PTBP2: variants seen among roughly 807,000 people sequenced by gnomAD.
PTBP2 encodes polypyrimidine tract binding protein 2.
A neutral mutation model predicts 61.4 loss-of-function variants in PTBP2; 13 were observed. The ratio of observed to expected loss-of-function variants is 0.21; its 90% CI spans 0.14 to 0.34. The LOEUF is 0.34. Ranked by LOEUF, PTBP2 falls within the 10% of genes least tolerant of loss-of-function variation. The pLI, the probability that PTBP2 is intolerant of heterozygous loss-of-function variation, is 1.00. For synonymous variants in PTBP2, 215 were observed against 218.5 expected (o/e 0.98, Z 0.14); for missense variants, 405 against 642.6 (o/e 0.63, Z 4.00).
chr1:96,772,693 ATT>A (rs1657518611), intron 5 of PTBP2, among the ~76,000 whole-genome samples: 1 of 152,164 alleles, frequency 6.6e-6, no homozygotes, highest in Non-Finnish European at 1.5e-5. Context: ...TGTTTGACTT[ATT>A]CACTTAGCAC....
intron 2 of PTBP2, among the ~76,000 whole-genome samples, chr1:96,748,818 A>G (rs1654167226): frequency 1.3e-5 from 2 of 152,330 alleles, no homozygotes; most frequent in South Asian, 2.1e-4. Flanking sequence ...AATAATTCAG[A>G]TGAAATTATT....
chr1:96,768,235 A>G (rs1426542697), intron 3 of PTBP2, among the ~76,000 whole-genome samples: 3 of 152,044 alleles, frequency 2.0e-5, no homozygotes, highest in Non-Finnish European at 4.4e-5. Flanking sequence ...GAATCATATA[A>G]TCATCTTGTT....
chr1:96,822,049 G>A (rs2101325343), exon 14 of PTBP2: 1 of 152,190 alleles, frequency 6.6e-6, no homozygotes, highest in East Asian at 1.9e-4. Flanking sequence ...AAGTAATTGC[G>A]ATTTTTGCCG....
At chr1:96,777,161 G>T (rs1658129891) in intron 5 of PTBP2, among the ~76,000 whole-genome samples, 1 of 151,970 alleles carries the variant, frequency 6.6e-6, no homozygotes. Context: ...TAAGCTTTAT[G>T]GGAGTTCTTT....
chr1:96,746,852 C>CCCCCCCCT (rs1653864127), intron 2 of PTBP2, among the ~76,000 whole-genome samples: 3 of 87,152 alleles, frequency 3.4e-5, no homozygotes, highest in African/African-American at 4.9e-5. Flanking sequence ...TCCCTCCCTC[C>CCCCCCCCT]CCCTCCCTCC....
chr1:96,794,093 A>G (rs1313131690), intron 8 of PTBP2, among the ~76,000 whole-genome samples: 2 of 152,208 alleles, frequency 1.3e-5, no homozygotes, highest in Non-Finnish European at 2.9e-5. Flanking sequence ...TATTGTTCTC[A>G]GCTGTAGTTT....
chr1:96,741,340 A>G (rs1364846740), intron 2 of PTBP2, among the ~76,000 whole-genome samples: 2 of 152,052 alleles, frequency 1.3e-5, no homozygotes, highest in Non-Finnish European at 2.9e-5. Flanking sequence ...CAGTCACTGC[A>G]GTCTTGACAT....
chr1:96,725,457 G>A (rs370835942), intron 2 of PTBP2, among the ~76,000 whole-genome samples: 3 of 151,798 alleles, frequency 2.0e-5, no homozygotes, highest in East Asian at 3.9e-4. Flanking sequence ...CCACCACCAC[G>A]CCCGGCTAAT....
chr1:96,822,823 G>GC (rs1662725510), exon 14 of PTBP2: 1 of 152,120 alleles, frequency 6.6e-6, no homozygotes, highest in South Asian at 2.1e-4. Context: ...TAAGGATTTG[G>GC]CAAAACCATG....
intron 8 of PTBP2, among the ~76,000 whole-genome samples, chr1:96,794,332 T>C (rs1403964852): frequency 6.6e-6 from 1 of 152,226 alleles, no homozygotes; most frequent in Non-Finnish European, 1.5e-5. Flanking sequence ...AGAAATTGTG[T>C]TTTTAAGAGT....
chr1:96,800,879 C>T (rs1162083685), intron 8 of PTBP2, among the ~76,000 whole-genome samples: 3 of 151,844 alleles, frequency 2.0e-5, no homozygotes, highest in Non-Finnish European at 4.4e-5. Context: ...TATTATACCA[C>T]CAAGTTATCT....
intron 3 of PTBP2, among the ~76,000 whole-genome samples, chr1:96,765,349 G>A (rs538910936): frequency 5.9e-5 from 9 of 152,268 alleles, no homozygotes; most frequent in African/African-American, 1.2e-4. Flanking sequence ...TTGCCGTGTC[G>A]TATTTTATAT....
intron 8 of PTBP2, among the ~76,000 whole-genome samples, chr1:96,792,612 A>C (rs1356240504): frequency 6.6e-6 from 1 of 152,126 alleles, no homozygotes; most frequent in East Asian, 1.9e-4. Flanking sequence ...TTACATACTA[A>C]GATATTTTTT....
chr1:96,742,637 A>G (rs1653185221), intron 2 of PTBP2, among the ~76,000 whole-genome samples: 1 of 148,060 alleles, frequency 6.8e-6, no homozygotes, highest in African/African-American at 2.5e-5. Context: ...ATTCAAGGTT[A>G]AAGGTAATCA....
At chr1:96,781,119 T>G (rs192907898) in intron 7 of PTBP2, among the ~76,000 whole-genome samples, 1 of 152,192 alleles carries the variant, frequency 6.6e-6, no homozygotes, top group Non-Finnish European at 1.5e-5. Flanking sequence ...GGCATAAATT[T>G]TGACACAGAC....
At chr1:96,757,702 A>C (rs1655320104) in intron 3 of PTBP2, among the ~76,000 whole-genome samples, 1 of 152,182 alleles carries the variant, frequency 6.6e-6, no homozygotes, top group Non-Finnish European at 1.5e-5. Context: ...TAACTCAATA[A>C]ATTTCAAATG....
intron 3 of PTBP2, 61 bp downstream of exon 3, chr1:96,751,561 TCAAA>T: frequency 1.5e-6 from 2 of 1,294,174 alleles, no homozygotes; most frequent in South Asian, 1.3e-5. Flanking sequence ...ATGTTAAAAC[TCAAA>T]TTTAACCCTG....
chr1:96,768,342 T>C (rs547029612), intron 3 of PTBP2, among the ~76,000 whole-genome samples: 176 of 152,216 alleles, frequency 1.2e-3, no homozygotes, highest in African/African-American at 4.0e-3. Flanking sequence ...ATTTTGAAGA[T>C]ACGTTGGAGA....
intron 3 of PTBP2, among the ~76,000 whole-genome samples, chr1:96,753,661 C>T (rs190290481): frequency 1.3e-5 from 2 of 150,886 alleles, no homozygotes; most frequent in Admixed American, 1.3e-4. Flanking sequence ...CAGACAAGGA[C>T]GATAAGTATT....
Sources: gnomAD v4.1 joint callset for allele counts (sites outside exome capture counted in the v4.1 genomes callset) on GRCh38, gnomAD v4.1.1 for gene constraint, MANE v1.5 for transcripts, NCBI Gene and HGNC (gene_info 2026-07-23, HGNC 2026-07-21) for gene names.